Variants in CYP4F22 observed in about 807,000 individuals in gnomAD.
CYP4F22 encodes ultra-long-chain fatty acid omega-hydroxylase.
Under a neutral mutation model 60.4 loss-of-function variants are expected in CYP4F22, and 37 were observed. The ratio of observed to expected loss-of-function variants is 0.61; its 90% CI spans 0.47 to 0.81. The LOEUF (loss-of-function observed/expected upper bound fraction) is 0.81. Ranked by LOEUF, CYP4F22 falls within the 30% of genes least tolerant of loss-of-function variation. CYP4F22 has a pLI of 0.00. For synonymous variants in CYP4F22, 258 were observed against 280.5 expected, an observed-to-expected ratio of 0.92 and a Z score of 0.80; for missense variants, 655 against 715.0, an observed-to-expected ratio of 0.92 and a Z score of 0.96.
chr19:15,543,548 C>A (rs192992630), intron 8 of CYP4F22, among the ~76,000 whole-genome samples: 4 of 152,164 alleles, frequency 2.6e-5, no homozygotes, highest in South Asian at 2.1e-4. Flanking sequence ...TAGTTCCCCC[C>A]ACAGCTTGGC....
intron 1 of CYP4F22, among the ~76,000 whole-genome samples, chr19:15,511,884 G>A (rs971100611): frequency 3.9e-5 from 6 of 152,252 alleles, no homozygotes; most frequent in Non-Finnish European, 7.3e-5. Flanking sequence ...CGACCTGGGC[G>A]TGGGCCGGGA....
chr19:15,528,514 C>G lies in CYP4F22; in HGVS notation c.223-1195C>G, dbSNP rs1421759390. ...GCCCTCCAAAGCTCCCCAGTGGGAC[C>G]GAGCCCTGGTTGCCCTTGGTGGTAA... On this transcript the variant is annotated intron_variant, in intron 3 of 13. Coordinates refer to ENST00000269703, the MANE Select transcript of CYP4F22 (RefSeq NM_173483.4). Among the ~76,000 whole-genome samples the G allele has an allele frequency of 7.2e-5, 11 of 152,220 alleles. No individual in the cohort carries two copies. The East Asian group carries it at 1.9e-3, about 27-fold the overall frequency.
intron 10 of CYP4F22, among the ~76,000 whole-genome samples, chr19:15,546,970 C>T (rs1426905095): frequency 6.9e-6 from 1 of 145,092 alleles, no homozygotes; most frequent in Non-Finnish European, 1.5e-5. Context: ...TTCGGCCTCC[C>T]AAAGTGCTGG....
At chr19:15,522,410 C>T (rs1971236615) in intron 1 of CYP4F22, among the ~76,000 whole-genome samples, 2 of 152,150 alleles carry the variant, frequency 1.3e-5, no homozygotes, top group East Asian at 1.9e-4. Flanking sequence ...CGAGGTGGCT[C>T]ACACCTGTAA....
In CYP4F22 at chr19:15,537,624, T is replaced by C; in HGVS notation, c.511T>C (p.Tyr171His). ...CTTCCACTTTGACATCCTGAAGCCTTACATGAAGATCTTCAACCAGAGCGC... is the reference window on the plus strand; with the variant it reads ...CTTCCACTTTGACATCCTGAAGCCTCACATGAAGATCTTCAACCAGAGCGC... ...PAFHFDILKP[Y>H]MKIFNQSADI... Residue 171 changes from tyrosine to histidine, a missense_variant, in exon 6 of 14, where the codon TAC becomes CAC. Physicochemically the swap from Tyr to His is moderately conservative, Grantham distance 83. Transcript: ENST00000269703. 1 of 1,614,012 alleles carries C rather than the reference T, an allele frequency of 6.2e-7. No homozygotes were observed. The highest frequency in any genetic ancestry group is 8.5e-7 in the Non-Finnish European group (1 of 1,180,026).
rs762667660 is a variant in CYP4F22, at chr19:15,544,007, C to T, written c.976C>T (p.Arg326Ter). ...DGKELSDEDI[R>*]AEADTFMFEG... The stretch of plus-strand genomic sequence containing the variant: ...AAAGGAACTGTCAGACGAGGATATC[C>T]GAGCCGAAGCAGACACCTTCATGTT... Residue 326 changes from arginine (R) to a stop codon, truncating the protein, a stop_gained, in exon 9 of 14, where the codon CGA (arginine) becomes TGA (stop). Coordinates refer to ENST00000269703, the MANE Select transcript of CYP4F22 (RefSeq NM_173483.4). LOFTEE classifies it high-confidence loss of function. 18 of 1,613,916 alleles carry T rather than the reference C, an allele frequency of 1.1e-5. No individual in the cohort carries two copies. Among genetic ancestry groups the T allele is most frequent in the African/African-American group, 6.7e-5 (5 of 74,876 alleles).
At chr19:15,518,327 A>G (rs1428419740) in intron 1 of CYP4F22, among the ~76,000 whole-genome samples, 2 of 151,390 alleles carry the variant, frequency 1.3e-5, no homozygotes, top group African/African-American at 4.9e-5. Context: ...ACACAGCAAG[A>G]CCCTGCCTCT....
At chr19:15,523,987 G>C (rs1490345073) in intron 2 of CYP4F22, among the ~76,000 whole-genome samples, 188 bp downstream of exon 2, 1 of 151,736 alleles carries the variant, frequency 6.6e-6, no homozygotes, top group Non-Finnish European at 1.5e-5. Context: ...ATGAGGCTGG[G>C]AGGTCAAGGC....
chr19:15,542,229 G>C (rs1268450828), intron 8 of CYP4F22, among the ~76,000 whole-genome samples: 1 of 151,806 alleles, frequency 6.6e-6, no homozygotes, highest in African/African-American at 2.4e-5. Context: ...TTTTAAAAAT[G>C]TAATTTAAAG....
intron 4 of CYP4F22, among the ~76,000 whole-genome samples, chr19:15,536,467 T>C (rs950033510): frequency 5.3e-5 from 8 of 152,004 alleles, no homozygotes; most frequent in Admixed American, 2.0e-4. Context: ...TGGGCTGGTA[T>C]GTGAGGGTGA....
intron 1 of CYP4F22, among the ~76,000 whole-genome samples, chr19:15,510,397 C>G (rs924157129): frequency 2.6e-5 from 4 of 152,150 alleles, no homozygotes; most frequent in Admixed American, 2.0e-4. Flanking sequence ...TGATCAAAGG[C>G]TTACTATGTG....
chr19:15,524,096 A>G (rs755384443), intron 2 of CYP4F22, among the ~76,000 whole-genome samples: 5 of 151,872 alleles, frequency 3.3e-5, no homozygotes, highest in Non-Finnish European at 1.5e-5. Flanking sequence ...TGGAATATCC[A>G]TACAATGGAA....
intron 8 of CYP4F22, among the ~76,000 whole-genome samples, chr19:15,542,087 C>A (rs540934951): frequency 6.6e-6 from 1 of 152,244 alleles, no homozygotes; most frequent in East Asian, 1.9e-4. Flanking sequence ...ATCATAAAAC[C>A]TGATCACAAG....
At chr19:15,546,108 G>A (rs1245962701) in intron 10 of CYP4F22, among the ~76,000 whole-genome samples, 7 of 152,234 alleles carry the variant, frequency 4.6e-5, no homozygotes, top group African/African-American at 1.7e-4. Flanking sequence ...CTGAGTAGGT[G>A]GGACTATAGG....
At chr19:15,524,712 A>G (rs367746159) in intron 2 of CYP4F22, among the ~76,000 whole-genome samples, 11 of 137,312 alleles carry the variant, frequency 8.0e-5, no homozygotes, top group East Asian at 2.0e-4. Flanking sequence ...GAGAGAGAGA[A>G]AGAAAGAAGT....
chr19:15,539,092 T>C (rs1971430472), intron 7 of CYP4F22, among the ~76,000 whole-genome samples: 1 of 152,224 alleles, frequency 6.6e-6, no homozygotes, highest in Non-Finnish European at 1.5e-5. Context: ...CCTGAACTGC[T>C]TTTAGTATAT....
chr19:15,510,229 G>A lies in CYP4F22; in HGVS notation c.-109+1646G>A, dbSNP rs574545800. Among the ~76,000 whole-genome samples, 20 of 152,006 alleles carry A rather than the reference G, an allele frequency of 1.3e-4. 1 individual carries two copies. In the South Asian group the frequency reaches 4.0e-3, roughly 30 times the overall value. ...ACTCTTGGGCTCAAGTGATCCACCC[G>A]CCTCAGCCTCCCAAAGTGCTGGGAT... On this transcript the variant is annotated intron_variant, in intron 1 of 13. Coordinates refer to ENST00000269703, the MANE Select transcript of CYP4F22 (RefSeq NM_173483.4).
chr19:15,517,644 G>T (rs1269573771), intron 1 of CYP4F22, among the ~76,000 whole-genome samples: 1 of 152,218 alleles, frequency 6.6e-6, no homozygotes, highest in Non-Finnish European at 1.5e-5. Context: ...GTGCGAGTTG[G>T]GGGCTCTAGC....
chr19:15,551,186 C>T, intron 13 of CYP4F22, 108 bp from the exon 14 acceptor site: 1 of 1,445,560 alleles, frequency 6.9e-7, no homozygotes, highest in Non-Finnish European at 9.5e-7. Context: ...TCACTTTAAC[C>T]CTCAGCCAGC....
Sources: gnomAD v4.1 joint callset for allele counts (sites outside exome capture counted in the v4.1 genomes callset) on GRCh38, gnomAD v4.1.1 for gene constraint, MANE v1.5 for transcripts, NCBI Gene and HGNC (gene_info 2026-07-23, HGNC 2026-07-21) for gene names.